PDE9A: variants seen among roughly 807,000 people sequenced by gnomAD.
The protein encoded by PDE9A is high affinity cGMP-specific 3',5'-cyclic phosphodiesterase 9A.
In PDE9A, 60 loss-of-function variants were observed where a neutral mutation model predicts 87.4. The ratio of observed to expected loss-of-function variants is 0.69; its 90% CI spans 0.56 to 0.85. The LOEUF is 0.85. Ranked by LOEUF, PDE9A falls within the 40% of genes least tolerant of loss-of-function variation. The pLI, the probability that PDE9A is intolerant of heterozygous loss-of-function variation, is 0.00. For missense variants in PDE9A, 665 were observed against 779.0 expected (o/e 0.85, Z 1.74); for synonymous variants, 272 against 279.4 (o/e 0.97, Z 0.27).
At chr21:42,738,532 G>A (rs115199506) in intron 7 of PDE9A, among the ~76,000 whole-genome samples, 2,201 of 151,930 alleles carry the variant, frequency 0.014, 57 homozygotes, top group African/African-American at 0.049. Flanking sequence ...CCCACCCTCC[G>A]GCTCGGCTCT....
chr21:42,667,378 C>A (rs1008171323), intron 1 of PDE9A, among the ~76,000 whole-genome samples: 1 of 152,124 alleles, frequency 6.6e-6, no homozygotes, highest in Non-Finnish European at 1.5e-5. Context: ...TTAAACTACT[C>A]GACTTCATGG....
chr21:42,664,561 C>T (rs2057831304), intron 1 of PDE9A, among the ~76,000 whole-genome samples: 1 of 152,204 alleles, frequency 6.6e-6, no homozygotes, highest in Non-Finnish European at 1.5e-5. Context: ...AGCGCAAGGC[C>T]CCGGTGCCAG....
rs60104683 is a variant in PDE9A, at chr21:42,716,747, C to CTTTTTTT, written c.263-15008_263-15002dup. Among the ~76,000 whole-genome samples, 191 of 94,264 alleles carry CTTTTTTT rather than the reference C, an allele frequency of 2.0e-3. 7 individuals carry two copies. Among genetic ancestry groups the CTTTTTTT allele is most frequent in the Non-Finnish European group, 2.5e-3 (134 of 52,754 alleles). The allele number at this position is 94,264 out of a possible 152,430, so 61.8% of individuals were successfully genotyped here. ...CCCCATAATACAATATTATAATTTC[C>CTTTTTTT]TTTTTTTTTTTTTTTTTTTTTGAGA... On this transcript the variant is annotated intron_variant, in intron 4 of 19. Coordinates refer to ENST00000291539, the MANE Select transcript of PDE9A (RefSeq NM_002606.3).
At chr21:42,685,116 A>G (rs1349896098) in intron 1 of PDE9A, among the ~76,000 whole-genome samples, 3 of 152,188 alleles carry the variant, frequency 2.0e-5, no homozygotes, top group Admixed American at 1.3e-4. Flanking sequence ...CTGTCCAGGG[A>G]GGCATCCTCT....
chr21:42,767,474 C>A (rs2147167688), intron 15 of PDE9A, among the ~76,000 whole-genome samples: 1 of 151,974 alleles, frequency 6.6e-6, no homozygotes, highest in African/African-American at 2.4e-5. Context: ...ACAGCAGGAT[C>A]CCTTCGAGGT....
chr21:42,682,422 C>A (rs1024569061), intron 1 of PDE9A, among the ~76,000 whole-genome samples: 1 of 152,136 alleles, frequency 6.6e-6, no homozygotes, highest in Non-Finnish European at 1.5e-5. Context: ...AAGGCTGGTC[C>A]CCCTAGGTGT....
At chr21:42,677,630 T>C (rs3819895) in intron 1 of PDE9A, among the ~76,000 whole-genome samples, 11,654 of 150,358 alleles carry the variant, frequency 0.078, 679 homozygotes, top group East Asian at 0.33. Flanking sequence ...CAAACCTCAG[T>C]TGCCATCCAG....
chr21:42,701,430 CT>C (rs78233841), intron 4 of PDE9A, among the ~76,000 whole-genome samples: 77 of 142,414 alleles, frequency 5.4e-4, no homozygotes, highest in African/African-American at 9.5e-4. Flanking sequence ...TGCTGTTTTG[CT>C]TTTTTTTTTT....
At chr21:42,726,624 A>ATATATATATATTTTTTTTTT in intron 4 of PDE9A, among the ~76,000 whole-genome samples, 4 of 19,778 alleles carry the variant, frequency 2.0e-4, no homozygotes, top group African/African-American at 3.4e-4. Context: ...ATATATATAT[A>ATATATATATATTTTTTTTTT]TTTTTTTTTT....
intron 8 of PDE9A, among the ~76,000 whole-genome samples, chr21:42,747,282 G>A (rs535112607): frequency 2.6e-5 from 4 of 151,636 alleles, no homozygotes; most frequent in South Asian, 2.1e-4. Flanking sequence ...GAACTTCCCC[G>A]GATGACTGGG....
intron 10 of PDE9A, chr21:42,758,301 AAAC>A (rs2055291557): frequency 6.6e-6 from 1 of 152,274 alleles, no homozygotes; most frequent in Admixed American, 6.5e-5. Flanking sequence ...TTGGGACTGA[AAAC>A]AAAATCTATT....
chr21:42,702,134 A>G lies in PDE9A; in HGVS notation c.262+3123A>G, dbSNP rs894478414. Among the ~76,000 whole-genome samples the G allele has an allele frequency of 5.3e-5, 8 of 151,886 alleles. No individual in the cohort carries two copies. Among genetic ancestry groups the G allele is most frequent in the African/African-American group, 1.9e-4 (8 of 41,332 alleles). ...ACAGCCTGAGAGCGTCCCCTGACTC[A>G]CTCACACTGTTTCTTTCTTTCCAGA... On this transcript the variant is annotated intron_variant, in intron 4 of 19. Coordinates refer to ENST00000291539, the MANE Select transcript of PDE9A (RefSeq NM_002606.3). The surrounding 1 kb of genome is among the most constrained non-coding windows in gnomAD (Gnocchi z 4.9).
chr21:42,720,569 G>T (rs944319486), intron 4 of PDE9A, among the ~76,000 whole-genome samples: 2 of 152,156 alleles, frequency 1.3e-5, no homozygotes, highest in African/African-American at 2.4e-5. Flanking sequence ...AGGTATCTCT[G>T]GGGTTTTCTG....
chr21:42,708,623 C>T (rs1042255402), intron 4 of PDE9A, among the ~76,000 whole-genome samples: 6 of 152,190 alleles, frequency 3.9e-5, no homozygotes, highest in East Asian at 1.9e-4. Flanking sequence ...GGCGCGATCT[C>T]GGCTCACTGC....
chr21:42,729,354 G>C (rs2051481928), intron 4 of PDE9A, among the ~76,000 whole-genome samples: 1 of 152,132 alleles, frequency 6.6e-6, no homozygotes, highest in Non-Finnish European at 1.5e-5. Context: ...TTTCATTCCT[G>C]ATATTGACAG....
chr21:42,768,928 T>C (rs1238751632), intron 16 of PDE9A, 99 bp from the exon 17 acceptor site: 1 of 1,511,902 alleles, frequency 6.6e-7, no homozygotes, highest in African/African-American at 1.4e-5. Context: ...GTTTGGTTGG[T>C]TGGTGGTTAA....
intron 10 of PDE9A, chr21:42,758,707 TCTC>T: frequency 5.3e-6 from 2 of 376,846 alleles, no homozygotes; most frequent in Non-Finnish European, 9.8e-6. Flanking sequence ...TCCTAAGAAT[TCTC>T]CTTGACTTCG....
chr21:42,707,372 C>T (rs1169078743), intron 4 of PDE9A, among the ~76,000 whole-genome samples: 1 of 152,194 alleles, frequency 6.6e-6, no homozygotes, highest in Non-Finnish European at 1.5e-5. Flanking sequence ...AGGACTTCCT[C>T]TGTGTGTGGC....
chr21:42,666,496 A>G (rs2058001218), intron 1 of PDE9A, among the ~76,000 whole-genome samples: 1 of 151,762 alleles, frequency 6.6e-6, no homozygotes, highest in African/African-American at 2.4e-5. Context: ...TGAGGGCTGC[A>G]CTCCCCCGTG....
Sources: gnomAD v4.1 joint callset for allele counts (sites outside exome capture counted in the v4.1 genomes callset) on GRCh38, gnomAD v4.1.1 for gene constraint, Gnocchi (gnomAD v3.1) non-coding constraint, MANE v1.5 for transcripts, NCBI Gene and HGNC (gene_info 2026-07-23, HGNC 2026-07-21) for gene names.